Variants in KCTD16 observed in about 807,000 individuals in gnomAD.
KCTD16 encodes the protein potassium channel tetramerization domain containing 16, also known as BTB/POZ domain-containing protein KCTD16.
Under a neutral mutation model 33.2 loss-of-function variants are expected in KCTD16, and 13 were observed. The ratio of observed to expected loss-of-function variants is 0.39; its 90% confidence interval spans 0.25 to 0.62. KCTD16 has a LOEUF of 0.62. Among genes scored for constraint, KCTD16 ranks in the 20% least tolerant of loss-of-function variants. The pLI, the probability that KCTD16 is intolerant of heterozygous loss-of-function variation, is 0.50. For synonymous variants in KCTD16, 197 were observed against 195.3 expected, an observed-to-expected ratio of 1.01 and a Z score of -0.07; for missense variants, 441 against 525.1, an observed-to-expected ratio of 0.84 and a Z score of 1.57.
At chr5:144,452,394 A>C (rs534948991) in intron 3 of KCTD16, among the ~76,000 whole-genome samples, 1 of 151,990 alleles carries the variant, frequency 6.6e-6, no homozygotes, top group East Asian at 1.9e-4. Flanking sequence ...AATCTTTTTT[A>C]CTGGCAGAAG....
intron 3 of KCTD16, among the ~76,000 whole-genome samples, chr5:144,259,083 C>G (rs772456988): frequency 2.6e-5 from 4 of 151,712 alleles, no homozygotes; most frequent in Non-Finnish European, 5.9e-5. Flanking sequence ...ACGGTGAAAC[C>G]CCGTCTCTAC....
intron 3 of KCTD16, among the ~76,000 whole-genome samples, chr5:144,296,802 A>G (rs1465024553): frequency 6.6e-6 from 1 of 152,182 alleles, no homozygotes; most frequent in African/African-American, 2.4e-5. Flanking sequence ...TTCAATTACT[A>G]ACTTTCCTTC....
intron 3 of KCTD16, among the ~76,000 whole-genome samples, chr5:144,263,829 T>G (rs1289171371): frequency 6.6e-6 from 1 of 152,192 alleles, no homozygotes; most frequent in Non-Finnish European, 1.5e-5. Context: ...AAGATCAGAG[T>G]GCCACCATGA....
At chr5:144,210,729 C>A (rs1046935141) in intron 3 of KCTD16, among the ~76,000 whole-genome samples, 1 of 152,048 alleles carries the variant, frequency 6.6e-6, no homozygotes, top group African/African-American at 2.4e-5. Context: ...ATAAATGAAC[C>A]TTTATTTCCA....
intron 3 of KCTD16, among the ~76,000 whole-genome samples, chr5:144,251,418 T>G (rs930540715): frequency 6.6e-5 from 10 of 152,176 alleles, no homozygotes; most frequent in African/African-American, 2.4e-4. Flanking sequence ...TATGAGATAT[T>G]ACATATTCAT....
intron 3 of KCTD16, among the ~76,000 whole-genome samples, chr5:144,401,014 TGGAAAGGTA>T (rs1752690862): frequency 6.6e-6 from 1 of 152,068 alleles, no homozygotes; most frequent in Non-Finnish European, 1.5e-5. Flanking sequence ...GGCCAAAGTT[TGGAAAGGTA>T]GGCAGGGACA....
intron 3 of KCTD16, among the ~76,000 whole-genome samples, chr5:144,395,884 C>A (rs1458697005): frequency 1.3e-5 from 2 of 152,204 alleles, no homozygotes; most frequent in Non-Finnish European, 2.9e-5. Flanking sequence ...CAAGCTCTGG[C>A]CCATGGGCCG....
chr5:144,176,024 A>T (rs1362703413), intron 2 of KCTD16, among the ~76,000 whole-genome samples: 1 of 152,190 alleles, frequency 6.6e-6, no homozygotes, highest in African/African-American at 2.4e-5. Context: ...GTATTAAAAT[A>T]TGCTTTTTTA....
intron 3 of KCTD16, among the ~76,000 whole-genome samples, chr5:144,313,845 A>G (rs1426081856): frequency 6.6e-6 from 1 of 152,200 alleles, no homozygotes; most frequent in Non-Finnish European, 1.5e-5. Flanking sequence ...TATTAGTAGT[A>G]GTAATAGTAC....
At chr5:144,187,568 T>C (rs1012562285) in intron 2 of KCTD16, among the ~76,000 whole-genome samples, 13 of 152,180 alleles carry the variant, frequency 8.5e-5, no homozygotes, top group African/African-American at 3.1e-4. Context: ...TGATGAAGCA[T>C]ATACAGAGGA....
At chr5:144,393,907 ATT>A (rs1192806508) in intron 3 of KCTD16, among the ~76,000 whole-genome samples, 2 of 118,892 alleles carry the variant, frequency 1.7e-5, no homozygotes, top group Non-Finnish European at 3.8e-5. Flanking sequence ...GCTGAATTTT[ATT>A]ATTTTTTTCA....
chr5:144,356,253 G>A (rs986793283), intron 3 of KCTD16, among the ~76,000 whole-genome samples: 9 of 152,070 alleles, frequency 5.9e-5, no homozygotes, highest in African/African-American at 2.2e-4. Flanking sequence ...GTTCGAAAAA[G>A]ATCTCTCTGA....
intron 3 of KCTD16, among the ~76,000 whole-genome samples, chr5:144,462,292 C>G (rs1754214237): frequency 6.6e-6 from 1 of 152,082 alleles, no homozygotes; most frequent in Admixed American, 6.6e-5. Context: ...GTCTATGACT[C>G]CCATCACTTT....
intron 3 of KCTD16, among the ~76,000 whole-genome samples, chr5:144,418,292 A>T (rs1029398442): frequency 6.6e-6 from 1 of 152,084 alleles, no homozygotes. Context: ...GCCAACGGGG[A>T]TTCTGGTGGC....
At chr5:144,380,204 G>A (rs1752181069) in intron 3 of KCTD16, among the ~76,000 whole-genome samples, 1 of 151,874 alleles carries the variant, frequency 6.6e-6, no homozygotes, top group Non-Finnish European at 1.5e-5. Context: ...TAATGTCCAA[G>A]CTGAGAGTAA....
intron 3 of KCTD16, among the ~76,000 whole-genome samples, chr5:144,381,099 A>T (rs1203430261): frequency 6.6e-6 from 1 of 152,176 alleles, no homozygotes. Flanking sequence ...AACTTAAACA[A>T]ATTAACAAGG....
intron 3 of KCTD16, among the ~76,000 whole-genome samples, chr5:144,304,900 A>T (rs1218027342): frequency 2.6e-5 from 4 of 151,990 alleles, no homozygotes; most frequent in Non-Finnish European, 5.9e-5. Flanking sequence ...ACAGGTAGAT[A>T]TCACAGAACA....
intron 3 of KCTD16, among the ~76,000 whole-genome samples, chr5:144,383,970 CA>C (rs1286161356): frequency 1.3e-5 from 2 of 152,100 alleles, no homozygotes; most frequent in Admixed American, 6.5e-5. Flanking sequence ...AGAAAAACCA[CA>C]ACAGTAAATG....
chr5:144,435,202 T>C (rs1366562), intron 3 of KCTD16, among the ~76,000 whole-genome samples: 1,895 of 152,322 alleles, frequency 0.012, 37 homozygotes, highest in African/African-American at 0.044. Context: ...CTCCATTTTA[T>C]TGAATAGCTA....
Sources: gnomAD v4.1 joint callset for allele counts (sites outside exome capture counted in the v4.1 genomes callset) on GRCh38, gnomAD v4.1.1 for gene constraint, MANE v1.5 for transcripts, NCBI Gene and HGNC (gene_info 2026-07-23, HGNC 2026-07-21) for gene names.